Variants in ZNG1E observed in about 807,000 individuals in gnomAD.
ZNG1E encodes the protein Zn regulated GTPase metalloprotein activator 1E.
the ZNG1E span, chr9:65,675,712 C>T: frequency 6.8e-6 from 5 of 739,036 alleles, no homozygotes; most frequent in Non-Finnish European, 8.5e-6. Context: ...TAAGGGCTCT[C>T]CGCAGCGTCG....
At chr9:65,715,130 C>T in the ZNG1E span, among the ~76,000 whole-genome samples, 50 of 149,494 alleles carry the variant, frequency 3.3e-4, 1 homozygote, top group African/African-American at 1.2e-3. Context: ...GTCGGAAAAG[C>T]GCAGTATTCT....
At chr9:65,688,056 T>C in the ZNG1E span, among the ~76,000 whole-genome samples, 1 of 151,684 alleles carries the variant, frequency 6.6e-6, no homozygotes, top group Non-Finnish European at 1.5e-5. Flanking sequence ...TCTAATTGCT[T>C]TGATGTGTCT....
At chr9:65,658,220 A>C in the ZNG1E span, among the ~76,000 whole-genome samples, 2 of 150,322 alleles carry the variant, frequency 1.3e-5, no homozygotes, top group Non-Finnish European at 3.0e-5. Context: ...CAGAGGCGTA[A>C]GAGGAGATAT....
At chr9:65,657,750 G>T in the ZNG1E span, among the ~76,000 whole-genome samples, 1 of 152,288 alleles carries the variant, frequency 6.6e-6, no homozygotes, top group South Asian at 2.1e-4. Context: ...AAGGATAAAT[G>T]CTTGAGGCAA....
chr9:65,667,956 A>G, the ZNG1E span, among the ~76,000 whole-genome samples: 1 of 141,318 alleles, frequency 7.1e-6, no homozygotes, highest in African/African-American at 2.6e-5. Flanking sequence ...AGACTGCACC[A>G]TTGTACTCCA....
the ZNG1E span, among the ~76,000 whole-genome samples, chr9:65,691,870 C>A: frequency 1.4e-5 from 2 of 147,832 alleles, no homozygotes; most frequent in Non-Finnish European, 1.5e-5. Flanking sequence ...AAAAACCAGT[C>A]GAAATTTTCT....
chr9:65,677,407 GCTT>G, the ZNG1E span, among the ~76,000 whole-genome samples: 1 of 151,894 alleles, frequency 6.6e-6, no homozygotes, highest in African/African-American at 2.4e-5. Context: ...TGCTTCTCTG[GCTT>G]CTTTTTAAGG....
the ZNG1E span, among the ~76,000 whole-genome samples, chr9:65,657,513 A>T: frequency 5.9e-5 from 9 of 152,282 alleles, no homozygotes; most frequent in Non-Finnish European, 1.2e-4. Context: ...GTGGGACCTA[A>T]AAATGAAAAC....
At chr9:65,688,228 AT>A in the ZNG1E span, among the ~76,000 whole-genome samples, 4 of 35,438 alleles carry the variant, frequency 1.1e-4, no homozygotes, top group Non-Finnish European at 2.1e-4. Flanking sequence ...ATTAATAATT[AT>A]TAATTAATTG....
the ZNG1E span, among the ~76,000 whole-genome samples, chr9:65,705,262 T>C: frequency 1.3e-5 from 2 of 148,158 alleles, no homozygotes; most frequent in Non-Finnish European, 3.0e-5. Flanking sequence ...TTTTTAGAAA[T>C]GTAAGTGGAC....
the ZNG1E span, among the ~76,000 whole-genome samples, chr9:65,675,171 G>A: frequency 2.6e-5 from 4 of 152,274 alleles, no homozygotes; most frequent in Non-Finnish European, 5.9e-5. Flanking sequence ...GATTGGAAGC[G>A]GGGGCGGTGC....
At chr9:65,684,540 A>ACACACGCACATG in the ZNG1E span, among the ~76,000 whole-genome samples, 7 of 141,716 alleles carry the variant, frequency 4.9e-5, no homozygotes, top group South Asian at 2.3e-4. Context: ...GTATACACAC[A>ACACACGCACATG]CACACGCACG....
chr9:65,662,516 C>A, the ZNG1E span, among the ~76,000 whole-genome samples: 6 of 143,828 alleles, frequency 4.2e-5, no homozygotes, highest in African/African-American at 7.6e-5. Flanking sequence ...TATATGGGAA[C>A]CTCTACTATT....
the ZNG1E span, among the ~76,000 whole-genome samples, chr9:65,675,572 T>A: frequency 2.0e-5 from 3 of 149,418 alleles, no homozygotes; most frequent in Non-Finnish European, 2.9e-5. Context: ...ATCTATGCCC[T>A]GTGGGAACTG....
the ZNG1E span, among the ~76,000 whole-genome samples, chr9:65,661,084 G>A: frequency 1.3e-5 from 2 of 148,514 alleles, no homozygotes; most frequent in Non-Finnish European, 3.0e-5. Flanking sequence ...TTTGAGAGAT[G>A]CTAGATATAT....
At chr9:65,705,125 G>A in the ZNG1E span, among the ~76,000 whole-genome samples, 3 of 150,444 alleles carry the variant, frequency 2.0e-5, no homozygotes, top group African/African-American at 2.5e-5. Flanking sequence ...GTGTAGCATC[G>A]TCTTAGTGGT....
the ZNG1E span, among the ~76,000 whole-genome samples, chr9:65,665,475 C>A: frequency 7.2e-3 from 1,098 of 151,828 alleles, no homozygotes; most frequent in African/African-American, 0.025. Context: ...GCCTAGATAT[C>A]AGAAGATGTA....
the ZNG1E span, among the ~76,000 whole-genome samples, chr9:65,714,761 A>T: frequency 4.0e-5 from 6 of 151,586 alleles, no homozygotes; most frequent in African/African-American, 1.2e-4. Flanking sequence ...CCGTTCTCAG[A>T]TCTCCAGCTG....
chr9:65,660,909 G>A, the ZNG1E span, among the ~76,000 whole-genome samples: 13,896 of 104,278 alleles, frequency 0.13, 2 homozygotes, highest in Middle Eastern at 0.18. Context: ...TGTCCAACAG[G>A]GCTAGATAAG....
Sources: allele counts gnomAD v4.1 joint callset (sites outside exome capture counted in the v4.1 genomes callset), GRCh38; gene constraint gnomAD v4.1.1; transcripts MANE v1.5; gene names NCBI Gene and HGNC (gene_info 2026-07-23, HGNC 2026-07-21).